IGF2BP3: variants seen among roughly 807,000 people sequenced by gnomAD.
IGF2BP3 encodes insulin like growth factor 2 mRNA binding protein 3, also known as insulin-like growth factor 2 mRNA-binding protein 3.
In IGF2BP3, 9 loss-of-function variants were observed where a neutral mutation model predicts 73.8. The observed-to-expected ratio is 0.12, with a 90% confidence interval of 0.07 to 0.21. The LOEUF (loss-of-function observed/expected upper bound fraction) is 0.21. IGF2BP3 is among the 10% of genes least tolerant of loss of function. The pLI is 1.00. For missense variants in IGF2BP3, 542 were observed against 714.0 expected (o/e 0.76, Z 2.75); for synonymous variants, 258 against 256.7 (o/e 1.01, Z -0.05).
In IGF2BP3 at chr7:23,460,431, C is replaced by T. The variant is rs558058056; in HGVS notation, c.236+8051G>A. Among the ~76,000 whole-genome samples, 5 of 150,862 alleles carry T rather than the reference C, an allele frequency of 3.3e-5. No individual in the cohort carries two copies. The East Asian group carries it at 1.0e-3, about 30-fold the overall frequency. On this transcript the variant is annotated intron_variant, in intron 2 of 14. Transcript: ENST00000258729. ...CCTGTAATCCCAGCTATTCAAGAGG[C>T]TGAAGCAGGAGAATCACTTGAACTC...
intron 2 of IGF2BP3, among the ~76,000 whole-genome samples, chr7:23,460,170 C>T (rs145899102): frequency 9.2e-4 from 114 of 123,740 alleles, no homozygotes; most frequent in African/African-American, 3.7e-3. Flanking sequence ...CCGTGCGAGA[C>T]CCTGCCTCAA....
intron 2 of IGF2BP3, among the ~76,000 whole-genome samples, chr7:23,460,716 G>A (rs1788430909): frequency 6.6e-6 from 1 of 152,122 alleles, no homozygotes; most frequent in Non-Finnish European, 1.5e-5. Context: ...TTGGGAGGCC[G>A]AGACAGGTGG....
At chr7:23,348,592 T>C (rs942442277) in intron 6 of IGF2BP3, among the ~76,000 whole-genome samples, 1 of 152,208 alleles carries the variant, frequency 6.6e-6, no homozygotes, top group African/African-American at 2.4e-5. Flanking sequence ...CCCTTGGCAC[T>C]ACTGACTTTT....
At chr7:23,421,267 C>T (rs1787337056) in intron 2 of IGF2BP3, among the ~76,000 whole-genome samples, 1 of 152,066 alleles carries the variant, frequency 6.6e-6, no homozygotes, top group Non-Finnish European at 1.5e-5. Context: ...GCCTCGGCCT[C>T]CCAGAGTGCT....
chr7:23,363,142 A>C (rs1017033822), intron 3 of IGF2BP3, among the ~76,000 whole-genome samples: 2 of 152,230 alleles, frequency 1.3e-5, no homozygotes, highest in African/African-American at 4.8e-5. Flanking sequence ...ATTTACTACT[A>C]AACTTAAGCA....
intron 2 of IGF2BP3, among the ~76,000 whole-genome samples, chr7:23,421,513 A>G (rs986318844): frequency 4.6e-5 from 7 of 150,710 alleles, no homozygotes; most frequent in Non-Finnish European, 8.9e-5. Flanking sequence ...ACCAACATGG[A>G]GAAACCCCAT....
chr7:23,437,270 T>C (rs1292002641), intron 2 of IGF2BP3, among the ~76,000 whole-genome samples: 1 of 151,606 alleles, frequency 6.6e-6, no homozygotes, highest in African/African-American at 2.4e-5. Flanking sequence ...TCACCTAAGG[T>C]CAGCAGTTCA....
At chr7:23,368,381 AAGAAAAG>A (rs1304385915) in intron 3 of IGF2BP3, among the ~76,000 whole-genome samples, 1 of 151,812 alleles carries the variant, frequency 6.6e-6, no homozygotes, top group African/African-American at 2.4e-5. Flanking sequence ...GAAAGAAAGA[AAGAAAAG>A]AAGGCATTAT....
chr7:23,384,530 G>A (rs1373637795), intron 3 of IGF2BP3, among the ~76,000 whole-genome samples: 1 of 152,082 alleles, frequency 6.6e-6, no homozygotes, highest in Non-Finnish European at 1.5e-5. Context: ...CCCAACAAAA[G>A]ATATATTAGT....
At chr7:23,458,560 G>A (rs1788372504) in intron 2 of IGF2BP3, among the ~76,000 whole-genome samples, 1 of 152,122 alleles carries the variant, frequency 6.6e-6, no homozygotes, top group Non-Finnish European at 1.5e-5. Flanking sequence ...TCAGCCTCCT[G>A]AGACAAAGCC....
intron 3 of IGF2BP3, among the ~76,000 whole-genome samples, chr7:23,412,006 T>C (rs1252537824): frequency 8.8e-5 from 13 of 147,190 alleles, no homozygotes; most frequent in South Asian, 4.3e-4. Context: ...TTTTTTTTTT[T>C]CAGTAGAGTC....
At chr7:23,450,611 T>C (rs10950943) in intron 2 of IGF2BP3, 2 of 152,018 alleles carry the variant, frequency 1.3e-5, no homozygotes, top group Non-Finnish European at 2.9e-5. Flanking sequence ...TTCACTGATA[T>C]GATTTCAGAT....
intron 13 of IGF2BP3, 152 bp downstream of exon 13, chr7:23,313,370 C>G (rs1659686647): frequency 1.3e-6 from 1 of 783,042 alleles, no homozygotes; most frequent in Admixed American, 2.5e-5. Flanking sequence ...CACCAACACT[C>G]AGACAGGAAA....
chr7:23,323,029 C>A (rs986572384), intron 10 of IGF2BP3, among the ~76,000 whole-genome samples: 1 of 152,052 alleles, frequency 6.6e-6, no homozygotes, highest in Non-Finnish European at 1.5e-5. Flanking sequence ...AGCAAAATAA[C>A]CAGCTAACAT....
At chr7:23,382,176 G>A (rs1785931983) in intron 3 of IGF2BP3, among the ~76,000 whole-genome samples, 1 of 152,084 alleles carries the variant, frequency 6.6e-6, no homozygotes, top group South Asian at 2.1e-4. Context: ...AGCCCAGGAG[G>A]TTGAGGCTGC....
At chr7:23,403,637 G>C (rs1367200867) in intron 3 of IGF2BP3, among the ~76,000 whole-genome samples, 1 of 152,210 alleles carries the variant, frequency 6.6e-6, no homozygotes, top group Non-Finnish European at 1.5e-5. Flanking sequence ...AGAATATACA[G>C]TTTAGATACA....
chr7:23,350,304 C>A (rs1784927755), intron 6 of IGF2BP3, among the ~76,000 whole-genome samples: 1 of 152,334 alleles, frequency 6.6e-6, no homozygotes, highest in South Asian at 2.1e-4. Context: ...AAAGAATTCT[C>A]CTTTCTAAAT....
chr7:23,465,305 T>C (rs1788540388), intron 2 of IGF2BP3, among the ~76,000 whole-genome samples: 1 of 152,224 alleles, frequency 6.6e-6, no homozygotes, highest in African/African-American at 2.4e-5. Flanking sequence ...ATATTTAGAA[T>C]AGAGAGTGCA....
intron 2 of IGF2BP3, among the ~76,000 whole-genome samples, chr7:23,467,344 T>C (rs913576282): frequency 1.3e-5 from 2 of 152,218 alleles, no homozygotes; most frequent in African/African-American, 2.4e-5. Flanking sequence ...CCTCCTGCTC[T>C]CCAGCACACA....
Sources: gnomAD v4.1 joint callset for allele counts (sites outside exome capture counted in the v4.1 genomes callset) on GRCh38, gnomAD v4.1.1 for gene constraint, MANE v1.5 for transcripts, NCBI Gene and HGNC (gene_info 2026-07-23, HGNC 2026-07-21) for gene names.